The following NSUN4 variants were observed in gnomAD, a reference collection of about 807,000 sequenced individuals.
NSUN4 encodes 5-cytosine rRNA methyltransferase NSUN4.
A neutral mutation model predicts 43.8 loss-of-function variants in NSUN4; 31 were observed. The ratio of observed to expected loss-of-function variants is 0.71; its 90% CI spans 0.53 to 0.96. The LOEUF is 0.96. Ranked by LOEUF, NSUN4 falls within the 40% of genes least tolerant of loss-of-function variation. NSUN4 has a pLI of 0.00. For synonymous variants in NSUN4, 167 were observed against 184.1 expected, an observed-to-expected ratio of 0.91 and a Z score of 0.75; for missense variants, 439 against 475.6, an observed-to-expected ratio of 0.92 and a Z score of 0.72.
chr1:46,372,226 C>T, the NSUN4 span, among the ~76,000 whole-genome samples: 5 of 151,192 alleles, frequency 3.3e-5, no homozygotes, highest in East Asian at 2.0e-4. Context: ...CTGTAAGTTC[C>T]GCCTCCCAGG....
the NSUN4 span, among the ~76,000 whole-genome samples, chr1:46,377,240 G>A: frequency 6.6e-6 from 1 of 152,010 alleles, no homozygotes; most frequent in African/African-American, 2.4e-5. Flanking sequence ...AGTAGAGACG[G>A]GGTTTCACCA....
intron 1 of NSUN4, chr1:46,341,625 T>A: frequency 1.7e-6 from 2 of 1,154,868 alleles, no homozygotes; most frequent in Non-Finnish European, 1.1e-6. Flanking sequence ...GCCGATTCCC[T>A]CGCCACCTCC....
Position 46,361,940 on chromosome 1 carries a change from C to A in NSUN4, c.*94C>A. On this transcript the variant is annotated 3_prime_UTR_variant, in exon 6 of 6. Transcript: ENST00000474844. ...GGGACCAGTGGCAGAGATGCACTCT[C>A]GGTCCTGTCTCCATCCTGTTCGTGT... 8.8e-7 allele frequency: 1 copy of A among 1,142,474 alleles called. No individual in the cohort carries two copies. Among genetic ancestry groups the A allele is most frequent in the Non-Finnish European group, 1.2e-6 (1 of 800,964 alleles). 70.8% of individuals were successfully genotyped at this position (1,142,474 alleles called of 1,614,324 possible).
rs1664059521 is a variant in NSUN4, at chr1:46,364,384, G to A, written c.*2538G>A. ...TGGGATTTATAATGTGCTGTTTAAAGTCTGAAGCTCGGCCAGGTGCGGTGG... is the reference window on the plus strand; with the variant it reads ...TGGGATTTATAATGTGCTGTTTAAAATCTGAAGCTCGGCCAGGTGCGGTGG... On this transcript the variant is annotated 3_prime_UTR_variant, in exon 6 of 6. Transcript: ENST00000474844. The A allele has an allele frequency of 1.4e-5, 2 of 143,062 alleles. No individual in the cohort carries two copies. The highest frequency in any genetic ancestry group is 3.0e-5 in the Non-Finnish European group (2 of 65,876). 8.9% of individuals were successfully genotyped at this position (143,062 alleles called of 1,614,324 possible). A position where few individuals can be genotyped will look rare whatever the true frequency, so the allele number is the denominator to read the frequency against.
rs773660345 is a variant in NSUN4, at chr1:46,362,272, C to T, written c.*426C>T. The T allele has an allele frequency of 5.2e-5, 9 of 173,518 alleles. No homozygotes were observed. The highest frequency in any genetic ancestry group is 9.8e-5 in the Non-Finnish European group (8 of 81,508). The allele number at this position is 173,518 out of a possible 1,614,324, so 10.7% of individuals were successfully genotyped here. On this transcript the variant is annotated 3_prime_UTR_variant, in exon 6 of 6. Transcript: ENST00000474844. Reference sequence around the variant, plus strand: ...TTTGTACCAGCCAGTTACTGAGCCCCTGTCACCCTTGAAGTGAGTTCCACC... The same window carrying T: ...TTTGTACCAGCCAGTTACTGAGCCCTTGTCACCCTTGAAGTGAGTTCCACC...
intron 3 of NSUN4, among the ~76,000 whole-genome samples, chr1:46,350,098 G>T (rs1242251373): frequency 6.6e-6 from 1 of 152,228 alleles, no homozygotes; most frequent in Non-Finnish European, 1.5e-5. Flanking sequence ...ATTGAGTTCT[G>T]TGGAGATTAA....
the NSUN4 span, among the ~76,000 whole-genome samples, chr1:46,381,477 G>A: frequency 1.3e-5 from 2 of 152,116 alleles, no homozygotes; most frequent in Admixed American, 6.6e-5. Context: ...TGTAAATTAA[G>A]TTATATTTAA....
At chr1:46,348,741 A>G (rs1364369601) in intron 3 of NSUN4, among the ~76,000 whole-genome samples, 22 of 132,474 alleles carry the variant, frequency 1.7e-4, no homozygotes, top group Non-Finnish European at 3.1e-4. Context: ...AAAAAAGTGG[A>G]TTCCTTGGGG....
chr1:46,375,968 T>C, the NSUN4 span, among the ~76,000 whole-genome samples: 1 of 147,720 alleles, frequency 6.8e-6, no homozygotes, highest in Non-Finnish European at 1.5e-5. Context: ...TAGCCGGGGG[T>C]GGTGGCACAT....
At chr1:46,371,085 G>A in the NSUN4 span, 1 of 152,152 alleles carries the variant, frequency 6.6e-6, no homozygotes. Context: ...CAGTGGCACT[G>A]TGGTAGGAGA....
chr1:46,365,293 G>A (rs1251778870), downstream of NSUN4: 3 of 152,124 alleles, frequency 2.0e-5, no homozygotes, highest in Non-Finnish European at 4.4e-5. Flanking sequence ...TATTAGTAAT[G>A]CTGCCAATAC....
chr1:46,344,692 T>C, intron 1 of NSUN4, 109 bp from the exon 2 acceptor site: 2 of 890,192 alleles, frequency 2.2e-6, no homozygotes, highest in African/African-American at 1.7e-5. Context: ...AAAGCAGGAG[T>C]GGGCACTAGC....
chr1:46,360,646 C>T, intron 4 of NSUN4, 58 bp from the exon 5 acceptor site: 1 of 1,578,418 alleles, frequency 6.3e-7, no homozygotes, highest in Admixed American at 1.8e-5. Flanking sequence ...CATCTCTGGC[C>T]TAAGGAAGAG....
Position 46,360,759 on chromosome 1 carries a change from A to AC in NSUN4, c.810dup (p.Asn271GlnfsTer4), listed in dbSNP as rs765006338. ...CGCCACTCCCTTCATGAGGAGGAGA[A>AC]CAACATCTTTAAGCGGTCAAGGAAG... is the stretch of plus-strand genomic sequence containing the variant. On this transcript the variant is annotated frameshift_variant, in exon 5 of 6. Coordinates refer to ENST00000474844, the MANE Select transcript of NSUN4 (RefSeq NM_199044.4). LOFTEE classifies it high-confidence loss of function. 1 of 1,613,842 alleles carries AC rather than the reference A, an allele frequency of 6.2e-7. No individual in the cohort carries two copies. Among genetic ancestry groups the AC allele is most frequent in the Non-Finnish European group, 8.5e-7 (1 of 1,179,914 alleles).
intron 4 of NSUN4, among the ~76,000 whole-genome samples, chr1:46,353,233 CA>C (rs1173821618): frequency 1.3e-5 from 2 of 151,970 alleles, no homozygotes; most frequent in African/African-American, 4.8e-5. Context: ...TAGTTGGCAG[CA>C]AAAAAGAATT....
At chr1:46,368,824 A>C, downstream of NSUN4, among the ~76,000 whole-genome samples, 1 of 152,174 alleles carries the variant, frequency 6.6e-6, no homozygotes, top group East Asian at 1.9e-4. Context: ...AGGCCAAGGC[A>C]GGAGGGTCGC....
At chr1:46,343,532 C>T (rs896189484) in intron 1 of NSUN4, 34 of 399,940 alleles carry the variant, frequency 8.5e-5, no homozygotes, top group African/African-American at 6.4e-4. Context: ...GTAGTGACAG[C>T]GAGAGCAGGA....
intron 1 of NSUN4, chr1:46,341,260 C>A: frequency 9.8e-7 from 1 of 1,023,540 alleles, no homozygotes; most frequent in Non-Finnish European, 1.2e-6. Flanking sequence ...CCTCCCTCCC[C>A]TCCCCCTTTC....
rs544432389 is a variant in NSUN4, at chr1:46,341,394, A to G, written c.93+475A>G. On this transcript the variant is annotated intron_variant, in intron 1 of 5. Coordinates refer to ENST00000474844, the MANE Select transcript of NSUN4 (RefSeq NM_199044.4). ...CACTCCTGGGTCTCCGCCGCCTTGC[A>G]GGAAAGGATTCAGCCCCTTCCTCAA... The G allele has an allele frequency of 1.6e-5, 16 of 1,003,820 alleles. No individual in the cohort carries two copies. The East Asian group carries it at 1.5e-3, about 93-fold the overall frequency. 62.2% of individuals were successfully genotyped at this position (1,003,820 alleles called of 1,614,324 possible). A position where few individuals can be genotyped will look rare whatever the true frequency, so the allele number is the denominator to read the frequency against.
Sources: allele counts gnomAD v4.1 joint callset (sites outside exome capture counted in the v4.1 genomes callset), GRCh38; gene constraint gnomAD v4.1.1; transcripts MANE v1.5; gene names NCBI Gene and HGNC (gene_info 2026-07-23, HGNC 2026-07-21).